Variants in LINC00237 observed in about 807,000 individuals in gnomAD.
LINC00237 encodes the protein long independently transcribed non-coding RNA 237.
intron 1 of LINC00237, among the ~76,000 whole-genome samples, chr20:21,100,591 A>T (rs930745496): frequency 6.0e-5 from 9 of 150,162 alleles, no homozygotes; most frequent in African/African-American, 2.2e-4. Flanking sequence ...CCCCAAAAAC[A>T]TTTTTTTTTT....
intron 3 of LINC00237, among the ~76,000 whole-genome samples, chr20:21,086,682 TACATATAC>T (rs1477761428): frequency 4.8e-3 from 4 of 832 alleles, no homozygotes; most frequent in African/African-American, 0.017. Context: ...TATAGTATAC[TACATATAC>T]ATATGTAGTA....
chr20:21,099,532 TC>T, intron 1 of LINC00237, among the ~76,000 whole-genome samples: 1 of 151,978 alleles, frequency 6.6e-6, no homozygotes, highest in East Asian at 1.9e-4. Flanking sequence ...ATCCAGCCCC[TC>T]CCAGCACCCA....
intron 3 of LINC00237, among the ~76,000 whole-genome samples, chr20:21,087,041 T>G (rs2030721723): frequency 6.9e-6 from 1 of 145,186 alleles, no homozygotes; most frequent in African/African-American, 2.5e-5. Context: ...GTATATAGAG[T>G]ACATATATAG....
At chr20:21,087,770 C>G (rs1270926257) in intron 3 of LINC00237, 1 of 152,128 alleles carries the variant, frequency 6.6e-6, no homozygotes, top group Non-Finnish European at 1.5e-5. Flanking sequence ...TTTACGTGAA[C>G]TATTTCATTT....
At chr20:21,096,481 G>A (rs763593550) in intron 1 of LINC00237, among the ~76,000 whole-genome samples, 3 of 152,194 alleles carry the variant, frequency 2.0e-5, no homozygotes, top group African/African-American at 4.8e-5. Context: ...AAGGGAGGCT[G>A]GGAAATGTAG....
rs549747547 is a variant in LINC00237, at chr20:21,088,393, C to G, written n.473-363G>C. On this transcript the variant is annotated intron_variant and non_coding_transcript_variant, in intron 2 of 3. Coordinates refer to ENST00000691244, the Ensembl canonical transcript of LINC00237. Reference sequence around the variant, plus strand: ...GATTTGAACCAAAGCTATGCTGAGTCATTCCTTCTCATCCAGGTAACACTC... The same window carrying G: ...GATTTGAACCAAAGCTATGCTGAGTGATTCCTTCTCATCCAGGTAACACTC... Among the ~76,000 whole-genome samples the G allele has an allele frequency of 1.0e-3, 157 of 152,288 alleles. 1 individual carries two copies. The highest frequency in any genetic ancestry group is 1.5e-3 in the Admixed American group (23 of 15,282).
At position 21,101,639 on chromosome 20, in the gene LINC00237, C is replaced by A. The variant is rs2030933031; in HGVS notation, n.88+4632G>T. On this transcript the variant is annotated intron_variant and non_coding_transcript_variant, in intron 1 of 3. Coordinates refer to ENST00000691244, the Ensembl canonical transcript of LINC00237. This position sits in a 1 kb window ranked among gnomAD's most constrained non-coding sequence, Gnocchi z 4.3. ...GTTCCACCGGGTAGCTCCGCCCTTCCTTTTGCTCAGGCAGCTAACTTTGGA... is the reference window on the plus strand; with the variant it reads ...GTTCCACCGGGTAGCTCCGCCCTTCATTTTGCTCAGGCAGCTAACTTTGGA... The A allele has an allele frequency of 1.3e-5, 2 of 152,302 alleles. No individual in the cohort carries two copies. Among genetic ancestry groups the A allele is most frequent in the South Asian group, 4.1e-4 (2 of 4,840 alleles). The allele number at this position is 152,302 out of a possible 1,614,324, so 9.4% of individuals were successfully genotyped here. A position where few individuals can be genotyped will look rare whatever the true frequency, so the allele number is the denominator to read the frequency against.
intron 1 of LINC00237, among the ~76,000 whole-genome samples, chr20:21,104,838 C>T (rs2030977089): frequency 6.6e-6 from 1 of 152,196 alleles, no homozygotes; most frequent in Non-Finnish European, 1.5e-5. Context: ...CAGACAGACA[C>T]ACAGACACAC....
intron 1 of LINC00237, among the ~76,000 whole-genome samples, chr20:21,104,794 C>CA (rs2030976294): frequency 6.6e-6 from 1 of 152,214 alleles, no homozygotes; most frequent in African/African-American, 2.4e-5. Context: ...GTTTTGTTTA[C>CA]ATATTCTCTC....
chr20:21,091,606 G>A (rs2030793854), intron 2 of LINC00237, among the ~76,000 whole-genome samples: 1 of 152,160 alleles, frequency 6.6e-6, no homozygotes, highest in African/African-American at 2.4e-5. Context: ...TGTGAATATT[G>A]CTTGGAGAAG....
In LINC00237 at chr20:21,092,130, G is replaced by C. The variant is rs78836096; in HGVS notation, n.472+1339C>G. Among the ~76,000 whole-genome samples, 1,489 of 152,292 alleles carry C rather than the reference G, an allele frequency of 9.8e-3. 21 individuals are homozygous for C. Among genetic ancestry groups the C allele is most frequent in the African/African-American group, 0.034 (1,415 of 41,558 alleles). ...CATCAGGAGATGTTTACTCCACCCA[G>C]TGTTCAAGGACTCTGCTAATTCTGT... On this transcript the variant is annotated intron_variant and non_coding_transcript_variant, in intron 2 of 3. Transcript: ENST00000691244.
At chr20:21,095,217 G>A (rs754635483) in intron 1 of LINC00237, among the ~76,000 whole-genome samples, 4 of 152,192 alleles carry the variant, frequency 2.6e-5, no homozygotes, top group Non-Finnish European at 4.4e-5. Flanking sequence ...ACTGCCTCCC[G>A]CTTGGAGCCC....
intron 1 of LINC00237, among the ~76,000 whole-genome samples, chr20:21,105,604 G>C (rs779591761): frequency 2.0e-5 from 3 of 152,208 alleles, no homozygotes; most frequent in Non-Finnish European, 2.9e-5. Context: ...TCTTCCAGGG[G>C]AAGGAGTGGC....
chr20:21,103,206 G>T (rs1415647151), intron 1 of LINC00237, among the ~76,000 whole-genome samples: 2 of 152,272 alleles, frequency 1.3e-5, no homozygotes, highest in African/African-American at 4.8e-5. Context: ...TGCGTGTCTC[G>T]CACACCTGCC....
chr20:21,105,886 A>C (rs925962779), intron 1 of LINC00237, among the ~76,000 whole-genome samples: 1 of 152,218 alleles, frequency 6.6e-6, no homozygotes, highest in East Asian at 1.9e-4. Flanking sequence ...GGGGAAAAGA[A>C]GGGGCTTGGG....
intron 3 of LINC00237, among the ~76,000 whole-genome samples, chr20:21,086,181 G>C (rs6113126): frequency 6.6e-6 from 1 of 152,142 alleles, no homozygotes; most frequent in African/African-American, 2.4e-5. Flanking sequence ...TAACTTCCAA[G>C]GCTATTCACT....
chr20:21,102,754 C>T (rs2030949246), intron 1 of LINC00237, among the ~76,000 whole-genome samples: 1 of 151,004 alleles, frequency 6.6e-6, no homozygotes, highest in African/African-American at 2.4e-5. Context: ...CCCCACTGAG[C>T]GGAACAATTG....
intron 1 of LINC00237, among the ~76,000 whole-genome samples, chr20:21,105,887 G>A (rs1445471147): frequency 1.3e-5 from 2 of 152,162 alleles, no homozygotes; most frequent in East Asian, 1.9e-4. Flanking sequence ...GGGAAAAGAA[G>A]GGGCTTGGGG....
At position 21,089,062 on chromosome 20, in the gene LINC00237, A is replaced by G. The variant is rs1022971123; in HGVS notation, n.473-1032T>C. ...AGGAATAATGTCAGAATGGAGCAAC[A>G]TTGTCACAGTGAGGAGTAGGTGTGC... On this transcript the variant is annotated intron_variant and non_coding_transcript_variant, in intron 2 of 3. Transcript: ENST00000691244. Among the ~76,000 whole-genome samples the G allele has an allele frequency of 2.0e-5, 3 of 151,912 alleles. No individual in the cohort carries two copies. The South Asian group carries it at 6.3e-4, about 32-fold the overall frequency.
Sources: allele counts gnomAD v4.1 joint callset (sites outside exome capture counted in the v4.1 genomes callset), GRCh38; gene constraint gnomAD v4.1.1; non-coding constraint Gnocchi (gnomAD v3.1); transcripts MANE v1.5; gene names NCBI Gene and HGNC (gene_info 2026-07-23, HGNC 2026-07-21).